Variants in SGCD observed in about 807,000 individuals in gnomAD.
SGCD encodes sarcoglycan delta.
SGCD carries 18 observed loss-of-function variants against 36.6 expected under a neutral mutation model. The observed-to-expected ratio is 0.49, with a 90% CI of 0.34 to 0.73. SGCD has a LOEUF of 0.73. Ranked by LOEUF, SGCD falls within the 30% of genes least tolerant of loss-of-function variation. The pLI is 0.01. For synonymous variants in SGCD, 133 were observed against 130.6 expected, an observed-to-expected ratio of 1.02 and a Z score of -0.12; for missense variants, 387 against 346.7, an observed-to-expected ratio of 1.12 and a Z score of -0.92.
chr5:156,124,085 T>A (rs909835292), intron 3 of SGCD: 2 of 152,236 alleles, frequency 1.3e-5, no homozygotes, highest in African/African-American at 4.8e-5. Flanking sequence ...TTATCCATAT[T>A]TGCAGCCTTT....
At chr5:156,712,435 A>C (rs1163249396) in intron 7 of SGCD, among the ~76,000 whole-genome samples, 1 of 152,194 alleles carries the variant, frequency 6.6e-6, no homozygotes, top group Admixed American at 6.5e-5. Flanking sequence ...CATATTCAAA[A>C]AATTAAAGTT....
intron 1 of SGCD, among the ~76,000 whole-genome samples, chr5:156,100,444 A>G (rs1039285244): frequency 1.3e-5 from 2 of 152,176 alleles, no homozygotes; most frequent in South Asian, 2.1e-4. Flanking sequence ...AGTGCATTGC[A>G]TGTATGTGTA....
chr5:155,779,114 G>A, the SGCD span, among the ~76,000 whole-genome samples: 1 of 152,112 alleles, frequency 6.6e-6, no homozygotes, highest in African/African-American at 2.4e-5. Flanking sequence ...ATTCATGCCT[G>A]ATAAAACCAA....
intron 3 of SGCD, among the ~76,000 whole-genome samples, chr5:156,192,794 G>A (rs766828128): frequency 6.9e-6 from 1 of 144,858 alleles, no homozygotes; most frequent in Non-Finnish European, 1.5e-5. Flanking sequence ...AAAAATAATA[G>A]GCACACACCT....
chr5:156,637,824 G>C (rs1420247883), intron 6 of SGCD, among the ~76,000 whole-genome samples: 3 of 152,124 alleles, frequency 2.0e-5, no homozygotes, highest in Non-Finnish European at 4.4e-5. Flanking sequence ...TCATTTTAAA[G>C]CTTTCGTAAC....
intron 3 of SGCD, among the ~76,000 whole-genome samples, chr5:156,156,711 T>G (rs1046731684): frequency 6.6e-6 from 1 of 151,320 alleles, no homozygotes; most frequent in Non-Finnish European, 1.5e-5. Flanking sequence ...AGACTAGGAA[T>G]GTATATTTTT....
chr5:156,097,124 AT>A lies in SGCD; in HGVS notation c.-281-20744del, dbSNP rs902348122. Among the ~76,000 whole-genome samples the A allele has an allele frequency of 2.5e-3, 362 of 147,334 alleles. 2 individuals are homozygous for A. Among genetic ancestry groups the A allele is most frequent in the Non-Finnish European group, 2.3e-3 (155 of 66,592 alleles). ...TCATTTCTCTCTGGCTGCTTTTAAG[AT>A]TTTTTTTTTCGTTGTCTTTAGTTTT... On this transcript the variant is annotated intron_variant, in intron 1 of 9. Transcript: ENST00000517913.
At chr5:156,163,792 G>C (rs916060485) in intron 3 of SGCD, among the ~76,000 whole-genome samples, 1 of 151,308 alleles carries the variant, frequency 6.6e-6, no homozygotes, top group Non-Finnish European at 1.5e-5. Flanking sequence ...AGGCCGAGGC[G>C]GGTGGATCAC....
chr5:155,796,675 G>A, the SGCD span, among the ~76,000 whole-genome samples: 32 of 151,674 alleles, frequency 2.1e-4, no homozygotes, highest in African/African-American at 7.3e-4. Context: ...GTGTGGTGGT[G>A]CATGCTTGTA....
intron 7 of SGCD, among the ~76,000 whole-genome samples, chr5:156,701,496 T>C (rs1048486325): frequency 6.6e-6 from 1 of 152,198 alleles, no homozygotes; most frequent in Non-Finnish European, 1.5e-5. Context: ...TTATGCTTTT[T>C]GTGTTTCAGT....
At chr5:156,112,692 C>T (rs925195821) in intron 1 of SGCD, among the ~76,000 whole-genome samples, 2 of 151,942 alleles carry the variant, frequency 1.3e-5, no homozygotes, top group African/African-American at 2.4e-5. Context: ...AAACTGAGGC[C>T]AGGTAAATAG....
chr5:155,736,583 A>G, the SGCD span, among the ~76,000 whole-genome samples: 6 of 152,166 alleles, frequency 3.9e-5, no homozygotes, highest in African/African-American at 9.7e-5. Context: ...TTGAAATGCA[A>G]AATTTCCTGA....
intron 3 of SGCD, among the ~76,000 whole-genome samples, chr5:156,273,943 G>A (rs1766249592): frequency 6.6e-6 from 1 of 152,156 alleles, no homozygotes; most frequent in Admixed American, 6.6e-5. Context: ...ATAATTCCAA[G>A]GTTCCATACA....
chr5:156,635,641 T>C (rs1326351824), intron 6 of SGCD, among the ~76,000 whole-genome samples: 3 of 152,016 alleles, frequency 2.0e-5, no homozygotes, highest in Non-Finnish European at 4.4e-5. Flanking sequence ...AAGCCAAATG[T>C]CCAACAATGA....
At chr5:155,821,745 T>C in the SGCD span, among the ~76,000 whole-genome samples, 1 of 152,178 alleles carries the variant, frequency 6.6e-6, no homozygotes, top group Non-Finnish European at 1.5e-5. Context: ...AAATATGTAA[T>C]GACAAGGAGC....
intron 1 of SGCD, among the ~76,000 whole-genome samples, chr5:155,970,524 C>T (rs2127559512): frequency 6.6e-6 from 1 of 152,160 alleles, no homozygotes; most frequent in Admixed American, 6.5e-5. Flanking sequence ...TCCCAGACAA[C>T]AAATAGATAA....
intron 3 of SGCD, among the ~76,000 whole-genome samples, chr5:156,456,413 G>A (rs183584298): frequency 4.6e-5 from 7 of 152,184 alleles, no homozygotes; most frequent in Admixed American, 4.6e-4. Context: ...CCAAAACAAG[G>A]AGCGTGCTAT....
chr5:155,781,651 T>G, the SGCD span, among the ~76,000 whole-genome samples: 1 of 151,844 alleles, frequency 6.6e-6, no homozygotes, highest in Non-Finnish European at 1.5e-5. Context: ...TTGTATTTTT[T>G]GTAGAGACGG....
intron 3 of SGCD, among the ~76,000 whole-genome samples, chr5:156,375,397 T>A (rs1234256966): frequency 3.8e-5 from 1 of 26,664 alleles, no homozygotes; most frequent in Admixed American, 3.8e-4. Context: ...CTTCACAGCT[T>A]TTTTTTTTTT....
Sources: gnomAD v4.1 joint callset for allele counts (sites outside exome capture counted in the v4.1 genomes callset) on GRCh38, gnomAD v4.1.1 for gene constraint, MANE v1.5 for transcripts, NCBI Gene and HGNC (gene_info 2026-07-23, HGNC 2026-07-21) for gene names.